Variants in CDK19 observed in about 807,000 individuals in gnomAD.
CDK19 encodes the protein cyclin dependent kinase 19.
Under a neutral mutation model 68.3 loss-of-function variants are expected in CDK19, and 20 were observed. The ratio of observed to expected loss-of-function variants is 0.29; its 90% CI spans 0.21 to 0.43. The LOEUF is 0.43. Among genes scored for constraint, CDK19 ranks in the 20% least tolerant of loss-of-function variants. The pLI is 1.00. For synonymous variants in CDK19, 221 were observed against 222.8 expected (o/e 0.99, Z 0.07); for missense variants, 339 against 623.5 (o/e 0.54, Z 4.86).
intron 12 of CDK19, among the ~76,000 whole-genome samples, chr6:110,617,618 T>C (rs2114582776): frequency 6.7e-6 from 1 of 149,700 alleles, no homozygotes; most frequent in East Asian, 1.9e-4. Flanking sequence ...ACCCTGTCTT[T>C]ACTTAAAAAA....
chr6:110,785,287 G>C (rs1034979133), intron 1 of CDK19, among the ~76,000 whole-genome samples: 1 of 151,898 alleles, frequency 6.6e-6, no homozygotes, highest in African/African-American at 2.4e-5. Flanking sequence ...AACAACACAG[G>C]GCTTAGTGGC....
chr6:110,657,832 C>A (rs1781397155), intron 4 of CDK19, among the ~76,000 whole-genome samples: 2 of 152,152 alleles, frequency 1.3e-5, no homozygotes, highest in Admixed American at 1.3e-4. Context: ...CACTGTGAGT[C>A]AAACCATGGC....
intron 4 of CDK19, among the ~76,000 whole-genome samples, chr6:110,659,527 A>AT (rs1435306795): frequency 3.1e-4 from 47 of 152,214 alleles, no homozygotes; most frequent in African/African-American, 1.1e-3. Context: ...TTTTCTTCGC[A>AT]TTTTTGCCTC....
intron 4 of CDK19, chr6:110,646,670 T>TA: frequency 2.1e-6 from 1 of 484,412 alleles, no homozygotes; most frequent in South Asian, 4.9e-5. Context: ...GGCTTTGCTA[T>TA]ATGTCTCTCT....
intron 1 of CDK19, chr6:110,814,457 C>G (rs1323807319): frequency 1.9e-5 from 7 of 363,658 alleles, no homozygotes; most frequent in East Asian, 8.4e-5. Flanking sequence ...CCGGCCAGCC[C>G]GAAGGGCGGA....
intron 2 of CDK19, among the ~76,000 whole-genome samples, chr6:110,714,708 GAA>G (rs1775229559): frequency 6.9e-6 from 1 of 145,468 alleles, no homozygotes; most frequent in Non-Finnish European, 1.5e-5. Context: ...ATCTTCTTTG[GAA>G]AAATGTCTTT....
At chr6:110,679,288 C>T (rs989462589) in intron 2 of CDK19, among the ~76,000 whole-genome samples, 3 of 151,700 alleles carry the variant, frequency 2.0e-5, no homozygotes, top group Admixed American at 2.0e-4. Flanking sequence ...TGCCCTCCAG[C>T]CTGGGTGACA....
At chr6:110,812,282 G>C (rs1025296596) in intron 1 of CDK19, among the ~76,000 whole-genome samples, 1 of 151,900 alleles carries the variant, frequency 6.6e-6, no homozygotes, top group Non-Finnish European at 1.5e-5. Context: ...CACCATGCCC[G>C]GCTAATTCCT....
At chr6:110,726,318 C>T (rs529237254) in intron 2 of CDK19, among the ~76,000 whole-genome samples, 26 of 152,208 alleles carry the variant, frequency 1.7e-4, no homozygotes, top group African/African-American at 6.3e-4. Context: ...ACAGATGTTA[C>T]CAGGTCCTTG....
chr6:110,777,010 G>T (rs1780446147), intron 1 of CDK19, among the ~76,000 whole-genome samples: 1 of 152,164 alleles, frequency 6.6e-6, no homozygotes, highest in Admixed American at 6.5e-5. Context: ...GTTAAACCCA[G>T]ACCACTCCCA....
chr6:110,610,670 T>C lies in CDK19; in HGVS notation c.*3865A>G, dbSNP rs1582660993. ...ATACAAAATATTACTTGTACTTGAA[T>C]CCTTCAAGCCTCTGTTGGTCTAACT... is the stretch of plus-strand genomic sequence containing the variant. On this transcript the variant is annotated 3_prime_UTR_variant, in exon 13 of 13. Coordinates refer to ENST00000368911, the MANE Select transcript of CDK19 (RefSeq NM_015076.5). 6.6e-6 allele frequency: 1 copy of C among 152,198 alleles called. No individual in the cohort carries two copies. The highest frequency in any genetic ancestry group is 1.5e-5 in the Non-Finnish European group (1 of 68,044). The allele number at this position is 152,198 out of a possible 1,614,324, so 9.4% of individuals were successfully genotyped here. A position where few individuals can be genotyped will look rare whatever the true frequency, so the allele number is the denominator to read the frequency against.
In CDK19 at chr6:110,667,482, A is replaced by G; in HGVS notation, c.408T>C (p.Leu136=). 1 of 1,596,420 alleles carries G rather than the reference A, an allele frequency of 6.3e-7. No individual in the cohort carries two copies. Among genetic ancestry groups the G allele is most frequent in the Non-Finnish European group, 8.6e-7 (1 of 1,168,756 alleles). ...SMVKSLLYQI[L]DGIHYLHANW... ...TTGCATGGAGGTAATGGATACCATC[A>G]AGAATCTGGTAAAGTAAGGATTTAA... Residue 136 remains leucine, a synonymous_variant, in exon 4 of 13, where the codon CTT becomes CTC. Coordinates refer to ENST00000368911, the MANE Select transcript of CDK19 (RefSeq NM_015076.5).
At chr6:110,734,537 CTCTCTCT>C (rs1562244090) in intron 2 of CDK19, among the ~76,000 whole-genome samples, 1 of 148,420 alleles carries the variant, frequency 6.7e-6, no homozygotes, top group East Asian at 2.0e-4. Context: ...CTCTCTCTCT[CTCTCTCT>C]CTCTCTCTCT....
chr6:110,783,795 G>A (rs1296934252), intron 1 of CDK19, among the ~76,000 whole-genome samples: 2 of 151,984 alleles, frequency 1.3e-5, no homozygotes, highest in Non-Finnish European at 2.9e-5. Context: ...AGATGGATTG[G>A]ACTTCATCAA....
intron 2 of CDK19, among the ~76,000 whole-genome samples, chr6:110,676,129 A>G (rs1042780031): frequency 9.9e-5 from 15 of 152,224 alleles, no homozygotes; most frequent in African/African-American, 3.4e-4. Flanking sequence ...AGTTGATTCC[A>G]ACCCTCATGG....
chr6:110,780,388 CAAAAAAAAA>C (rs57316757), intron 1 of CDK19, among the ~76,000 whole-genome samples: 1 of 67,134 alleles, frequency 1.5e-5, no homozygotes, highest in Non-Finnish European at 3.4e-5. Context: ...CACTCTGTCT[CAAAAAAAAA>C]AAAAAAAAAA....
At chr6:110,765,508 C>T (rs1177834715) in intron 1 of CDK19, among the ~76,000 whole-genome samples, 2 of 151,844 alleles carry the variant, frequency 1.3e-5, no homozygotes, top group Admixed American at 6.6e-5. Flanking sequence ...GGTGAAACCC[C>T]GTCTCTATTA....
intron 4 of CDK19, among the ~76,000 whole-genome samples, chr6:110,644,412 CAAA>C (rs1008790721): frequency 1.1e-4 from 17 of 151,272 alleles, no homozygotes; most frequent in African/African-American, 4.1e-4. Flanking sequence ...GTAATGGGCA[CAAA>C]AAATAGAAAG....
chr6:110,642,138 T>C (rs1780233504), intron 4 of CDK19, among the ~76,000 whole-genome samples: 1 of 151,666 alleles, frequency 6.6e-6, no homozygotes, highest in Admixed American at 6.6e-5. Context: ...CCGTCTCTAC[T>C]AAAAATACAA....
Sources: allele counts gnomAD v4.1 joint callset (sites outside exome capture counted in the v4.1 genomes callset), GRCh38; gene constraint gnomAD v4.1.1; transcripts MANE v1.5; gene names NCBI Gene and HGNC (gene_info 2026-07-23, HGNC 2026-07-21).